Variants in AFDN observed in about 807,000 individuals in gnomAD.
The protein encoded by AFDN is afadin.
Under a neutral mutation model 216.6 loss-of-function variants are expected in AFDN, and 68 were observed. The ratio of observed to expected loss-of-function variants is 0.31; its 90% CI spans 0.26 to 0.38. AFDN has a LOEUF of 0.38. Among genes scored for constraint, AFDN ranks in the 10% least tolerant of loss-of-function variants. AFDN has a pLI of 1.00. For missense variants in AFDN, 2,136 were observed against 2,342.0 expected, an observed-to-expected ratio of 0.91 and a Z score of 1.82; for synonymous variants, 868 against 853.7, an observed-to-expected ratio of 1.02 and a Z score of -0.29.
rs1319872806 is a variant in AFDN at position 167,918,310 on chromosome 6, AT to A, written c.2710-423del. ...GGCAAAAATACTGGGTAGATATTTG[AT>A]TCCGGTCTTTTATATTTTACATTGT... is the stretch of plus-strand genomic sequence containing the variant. On this transcript the variant is annotated intron_variant, in intron 20 of 33. Coordinates refer to ENST00000683244, the MANE Select transcript of AFDN (RefSeq NM_001386888.1). Among the ~76,000 whole-genome samples, 4 of 152,210 alleles carry A rather than the reference AT, an allele frequency of 2.6e-5. No homozygotes were observed. In the South Asian group the frequency reaches 8.3e-4, roughly 32 times the overall value.
At chr6:167,853,395 T>A (rs1782533861) in intron 1 of AFDN, among the ~76,000 whole-genome samples, 1 of 152,040 alleles carries the variant, frequency 6.6e-6, no homozygotes, top group Non-Finnish European at 1.5e-5. Context: ...GATACTGACT[T>A]GTCAGTAGAC....
At position 167,943,389 on chromosome 6, in the gene AFDN, T is replaced by G. The variant is rs368032851; in HGVS notation, c.3166-13T>G. ...TACCCCTAATCCATGCACACACCTG[T>G]GGATTTGCCTAGGATGGACGTCTAG... On this transcript the variant is annotated splice_polypyrimidine_tract_variant and intron_variant, in intron 24 of 33. Transcript: ENST00000683244. 16 of 1,613,448 alleles carry G rather than the reference T, an allele frequency of 9.9e-6. No homozygotes were observed. Among genetic ancestry groups the G allele is most frequent in the East Asian group, 8.9e-5 (4 of 44,894 alleles).
chr6:167,871,012 TA>T (rs1409667695), intron 3 of AFDN, among the ~76,000 whole-genome samples: 1 of 152,212 alleles, frequency 6.6e-6, no homozygotes, highest in Non-Finnish European at 1.5e-5. Context: ...TATTTTGTGC[TA>T]AATCAAGTGG....
chr6:167,848,659 G>A (rs1781964197), intron 1 of AFDN, among the ~76,000 whole-genome samples: 1 of 152,026 alleles, frequency 6.6e-6, no homozygotes. Context: ...TCTTGGAAAT[G>A]GTTCTACCAA....
intron 13 of AFDN, among the ~76,000 whole-genome samples, chr6:167,910,399 A>C (rs1370679956): frequency 1.3e-5 from 2 of 152,252 alleles, no homozygotes; most frequent in African/African-American, 4.8e-5. Context: ...GAAATAGATA[A>C]ACATCAGCAC....
At chr6:167,862,818 A>G (rs1562569640) in intron 1 of AFDN, among the ~76,000 whole-genome samples, 1 of 152,220 alleles carries the variant, frequency 6.6e-6, no homozygotes, top group Non-Finnish European at 1.5e-5. Context: ...ACTCCTACTC[A>G]TGTAGCTCCC....
chr6:167,924,799 TTG>T, intron 22 of AFDN: 1 of 583,636 alleles, frequency 1.7e-6, no homozygotes, highest in Non-Finnish European at 3.1e-6. Flanking sequence ...TCTTTAAGAC[TTG>T]AGTCAAGAAT....
chr6:167,953,753 G>A (rs936203926), intron 30 of AFDN, among the ~76,000 whole-genome samples: 11 of 152,206 alleles, frequency 7.2e-5, no homozygotes, highest in African/African-American at 2.7e-4. Flanking sequence ...GGCGCCAGGT[G>A]CATGCTCCTC....
rs141641393 is a variant in AFDN, at chr6:167,843,182, A to G, written c.105+15945A>G. On this transcript the variant is annotated intron_variant, in intron 1 of 33. Transcript: ENST00000683244. ...ATATTACCTCCACATCGTAAACTTG[A>G]TTGGTCTCTTTGCTTCTAGTCCATT... 8.1e-3 allele frequency among the ~76,000 whole-genome samples: 1,231 copies of G among 152,266 alleles called. 10 individuals are homozygous for G. Among genetic ancestry groups the G allele is most frequent in the Non-Finnish European group, 0.011 (716 of 68,012 alleles).
At chr6:167,897,928 G>C (rs538456449) in intron 10 of AFDN, among the ~76,000 whole-genome samples, 1 of 152,252 alleles carries the variant, frequency 6.6e-6, no homozygotes, top group African/African-American at 2.4e-5. Flanking sequence ...ACAGGCGTGA[G>C]CCACCGCGCC....
At chr6:167,897,642 C>CTTTT (rs57383020) in intron 10 of AFDN, among the ~76,000 whole-genome samples, 4,486 of 89,586 alleles carry the variant, frequency 0.05, 687 homozygotes, top group African/African-American at 0.14. Context: ...GACTGTATGC[C>CTTTT]TTTTTTTTTT....
At chr6:167,861,226 G>C (rs774870688) in intron 1 of AFDN, among the ~76,000 whole-genome samples, 1 of 152,194 alleles carries the variant, frequency 6.6e-6, no homozygotes, top group Non-Finnish European at 1.5e-5. Context: ...AAATAATTGA[G>C]CAGAATGTTA....
intron 5 of AFDN, 127 bp from the exon 6 acceptor site, chr6:167,880,233 C>T: frequency 3.8e-6 from 3 of 786,932 alleles, no homozygotes; most frequent in South Asian, 3.6e-5. Context: ...AGTTATTAGG[C>T]AGATTGTCTT....
chr6:167,890,937 A>G lies in AFDN; in HGVS notation c.1085A>G (p.Lys362Arg), dbSNP rs768186155. ...PKKTKKHLEG[K>R]TPKGKERADG... is the part of the protein sequence containing the mutation. Reference sequence around the variant, plus strand: ...AAAACCAAGAAACACTTGGAAGGCAAGACACCCAAGGGAAAGGAGAGAGCT... The same window carrying G: ...AAAACCAAGAAACACTTGGAAGGCAGGACACCCAAGGGAAAGGAGAGAGCT... The change falls in exon 8 of 34, where the codon AAG becomes AGG. Residue 362 changes from lysine to arginine, a missense_variant. This residue lies in a region of AFDN where 817 missense variants were observed against 965.7 expected (regional missense o/e 0.85). Transcript: ENST00000683244. 11 of 1,614,048 alleles carry G rather than the reference A, an allele frequency of 6.8e-6. No homozygotes were observed. Among genetic ancestry groups the G allele is most frequent in the East Asian group, 2.2e-5 (1 of 44,888 alleles).
At chr6:167,901,473 T>TG (rs1788941092) in intron 11 of AFDN, among the ~76,000 whole-genome samples, 1 of 152,174 alleles carries the variant, frequency 6.6e-6, no homozygotes, top group South Asian at 2.1e-4. Context: ...TATTTAGAAA[T>TG]TTTGATATTT....
At chr6:167,907,370 A>C (rs1255033989) in intron 13 of AFDN, 81 bp downstream of exon 13, 1 of 1,093,726 alleles carries the variant, frequency 9.1e-7, no homozygotes, top group Non-Finnish European at 1.4e-6. Flanking sequence ...TGTTGAATTT[A>C]TAAAGGTTCA....
chr6:167,888,704 T>C (rs1787181275), intron 6 of AFDN, among the ~76,000 whole-genome samples: 1 of 152,196 alleles, frequency 6.6e-6, no homozygotes, highest in Non-Finnish European at 1.5e-5. Context: ...TGCCCTGTAA[T>C]ATATTTAAAT....
intron 30 of AFDN, chr6:167,952,415 C>A (rs761749361): frequency 8.1e-6 from 8 of 985,280 alleles, no homozygotes; most frequent in Non-Finnish European, 9.6e-6. Flanking sequence ...AAATACAATT[C>A]AAATGGAACT....
chr6:167,857,528 A>AT (rs1562561358), intron 1 of AFDN, among the ~76,000 whole-genome samples: 1 of 151,956 alleles, frequency 6.6e-6, no homozygotes, highest in African/African-American at 2.4e-5. Flanking sequence ...CTGTCACTAG[A>AT]TTTTTTTCAG....
Sources: allele counts gnomAD v4.1 joint callset (sites outside exome capture counted in the v4.1 genomes callset), GRCh38; gene constraint gnomAD v4.1.1; regional missense constraint gnomAD v4.1.1; transcripts MANE v1.5; gene names NCBI Gene and HGNC (gene_info 2026-07-23, HGNC 2026-07-21).